The following ALK variants were observed in gnomAD, a reference collection of about 807,000 sequenced individuals.
The protein encoded by ALK is ALK receptor tyrosine kinase.
A neutral mutation model predicts 163.1 loss-of-function variants in ALK; 74 were observed. The ratio of observed to expected loss-of-function variants is 0.45; its 90% CI spans 0.38 to 0.55. The LOEUF is 0.55. Ranked by LOEUF, ALK falls within the 20% of genes least tolerant of loss-of-function variation. The probability of loss-of-function intolerance (pLI) is 0.00; values close to 1 mark genes in which losing one functional copy is unlikely to be tolerated. For missense variants in ALK, 2,063 were observed against 2,105.3 expected (o/e 0.98, Z 0.39); for synonymous variants, 960 against 843.2 (o/e 1.14, Z -2.40).
chr2:29,461,119 C>A (rs958102728), intron 4 of ALK, among the ~76,000 whole-genome samples: 1 of 152,194 alleles, frequency 6.6e-6, no homozygotes, highest in African/African-American at 2.4e-5. Context: ...AAGGCTCTAA[C>A]TCTCTTCAGT....
chr2:29,723,345 C>T (rs925277486), intron 1 of ALK, among the ~76,000 whole-genome samples: 1 of 152,224 alleles, frequency 6.6e-6, no homozygotes, highest in Admixed American at 6.5e-5. Context: ...CTCTCTCTGT[C>T]CAGGTCCCTG....
chr2:29,565,227 A>G (rs927806494), intron 3 of ALK, among the ~76,000 whole-genome samples: 1 of 152,208 alleles, frequency 6.6e-6, no homozygotes, highest in African/African-American at 2.4e-5. Flanking sequence ...TACTGTGCCA[A>G]TTTTTGCAAA....
chr2:29,341,116 G>C (rs1314112454), intron 5 of ALK, among the ~76,000 whole-genome samples: 5 of 152,200 alleles, frequency 3.3e-5, no homozygotes, highest in African/African-American at 1.2e-4. Context: ...TTCAGAAGCA[G>C]GGTTTATGCT....
chr2:29,839,683 C>T (rs754024741), intron 1 of ALK, among the ~76,000 whole-genome samples: 1 of 152,088 alleles, frequency 6.6e-6, no homozygotes, highest in African/African-American at 2.4e-5. Flanking sequence ...TCTGGAATGA[C>T]CTTTTCTTTA....
intron 1 of ALK, among the ~76,000 whole-genome samples, chr2:29,725,007 T>A (rs532059797): frequency 2.1e-4 from 32 of 152,208 alleles, no homozygotes; most frequent in African/African-American, 7.5e-4. Context: ...GTATAACTTT[T>A]GTGTTCACTC....
At chr2:29,570,943 T>C (rs1314673506) in intron 3 of ALK, among the ~76,000 whole-genome samples, 1 of 152,014 alleles carries the variant, frequency 6.6e-6, no homozygotes. Context: ...TAACAAATAA[T>C]AAAATCTGTT....
intron 4 of ALK, among the ~76,000 whole-genome samples, chr2:29,435,433 A>C (rs1670373722): frequency 6.6e-6 from 1 of 152,042 alleles, no homozygotes; most frequent in African/African-American, 2.4e-5. Flanking sequence ...AGAGGATAAA[A>C]CTGAGCACTT....
chr2:29,338,595 G>A (rs1207208455), intron 5 of ALK, among the ~76,000 whole-genome samples: 3 of 152,164 alleles, frequency 2.0e-5, no homozygotes, highest in Non-Finnish European at 4.4e-5. Context: ...TCCCTCTGGG[G>A]TGCTGATGCA....
chr2:29,703,739 G>A (rs1185004676), intron 2 of ALK, among the ~76,000 whole-genome samples: 1 of 152,186 alleles, frequency 6.6e-6, no homozygotes, highest in African/African-American at 2.4e-5. Context: ...GGTTGGCATT[G>A]CCTTTAGGTG....
intron 1 of ALK, among the ~76,000 whole-genome samples, chr2:29,758,124 C>A (rs147799044): frequency 0.022 from 3,311 of 151,376 alleles, 58 homozygotes; most frequent in South Asian, 0.05. Flanking sequence ...GATTCTCCTG[C>A]CTCAGCCTCT....
At chr2:29,752,275 A>G (rs1020678118) in intron 1 of ALK, among the ~76,000 whole-genome samples, 2 of 151,864 alleles carry the variant, frequency 1.3e-5, no homozygotes, top group African/African-American at 4.8e-5. Context: ...CGTTTAAGGT[A>G]GGCTAGGCTA....
intron 13 of ALK, 137 bp from the exon 14 acceptor site, chr2:29,233,833 A>C (rs1249054921): frequency 2.8e-6 from 3 of 1,069,504 alleles, no homozygotes. Context: ...AGGCAGAAAA[A>C]TATACCAATA....
chr2:29,305,299 C>A (rs748232279), intron 8 of ALK, among the ~76,000 whole-genome samples: 5 of 152,186 alleles, frequency 3.3e-5, no homozygotes, highest in Non-Finnish European at 7.4e-5. Flanking sequence ...CTGAGAATAA[C>A]CGAGAGAGAG....
At chr2:29,419,358 T>C (rs1188175024) in intron 4 of ALK, among the ~76,000 whole-genome samples, 2 of 151,460 alleles carry the variant, frequency 1.3e-5, no homozygotes, top group Admixed American at 1.3e-4. Context: ...CTGGCCAAGA[T>C]GGTCATTTCC....
chr2:29,605,215 G>A (rs748020327), intron 3 of ALK, among the ~76,000 whole-genome samples: 22 of 152,196 alleles, frequency 1.4e-4, no homozygotes, highest in Admixed American at 4.6e-4. Context: ...AATGTGCGGT[G>A]CACGATAGGG....
chr2:29,679,127 T>C (rs961635410), intron 3 of ALK, among the ~76,000 whole-genome samples: 3 of 151,898 alleles, frequency 2.0e-5, no homozygotes, highest in African/African-American at 4.8e-5. Flanking sequence ...AAATATACTG[T>C]TTAGTATATT....
At chr2:29,717,847 C>T in intron 1 of ALK, 150 bp from the exon 2 acceptor site, 1 of 919,424 alleles carries the variant, frequency 1.1e-6, no homozygotes, top group Non-Finnish European at 1.8e-6. Flanking sequence ...CACCAGTAGA[C>T]TGAGTTGACC....
intron 1 of ALK, among the ~76,000 whole-genome samples, chr2:29,752,695 C>T (rs1466905695): frequency 2.0e-5 from 3 of 152,290 alleles, no homozygotes; most frequent in Non-Finnish European, 4.4e-5. Context: ...GATGTAACCT[C>T]ATGCTAGCTC....
intron 4 of ALK, among the ~76,000 whole-genome samples, chr2:29,511,571 C>T (rs1035007828): frequency 6.6e-5 from 10 of 152,126 alleles, no homozygotes; most frequent in African/African-American, 2.4e-4. Context: ...CAGTTTTAAA[C>T]TACTGTGAAT....
Sources: allele counts gnomAD v4.1 joint callset (sites outside exome capture counted in the v4.1 genomes callset), GRCh38; gene constraint gnomAD v4.1.1; transcripts MANE v1.5; gene names NCBI Gene and HGNC (gene_info 2026-07-23, HGNC 2026-07-21).